The following EIPR1 variants were observed in gnomAD, a reference collection of about 807,000 sequenced individuals.
EIPR1 encodes the protein EARP complex and GARP complex interacting protein 1, also known as EARP and GARP complex-interacting protein 1.
Under a neutral mutation model 48.1 loss-of-function variants are expected in EIPR1, and 25 were observed. The ratio of observed to expected loss-of-function variants is 0.52; its 90% confidence interval spans 0.38 to 0.73. The LOEUF (loss-of-function observed/expected upper bound fraction) is 0.73, where lower values mean the gene tolerates loss of function less well. Among genes scored for constraint, EIPR1 ranks in the 30% least tolerant of loss-of-function variants. The pLI is 0.00. For missense variants in EIPR1, 415 were observed against 506.2 expected (o/e 0.82, Z 1.73); for synonymous variants, 204 against 201.9 (o/e 1.01, Z -0.09).
intron 3 of EIPR1, among the ~76,000 whole-genome samples, chr2:3,275,987 T>C (rs1667836390): frequency 5.3e-5 from 8 of 152,238 alleles, no homozygotes; most frequent in Admixed American, 5.2e-4. Context: ...CGACTGTATT[T>C]TTCTACTCTA....
intron 4 of EIPR1, among the ~76,000 whole-genome samples, chr2:3,248,068 C>T (rs752295820): frequency 4.7e-4 from 72 of 151,794 alleles, no homozygotes; most frequent in Admixed American, 2.6e-4. Flanking sequence ...GGCATGGGGG[C>T]GGATCCCTCA....
intron 2 of EIPR1, among the ~76,000 whole-genome samples, chr2:3,339,670 T>C (rs1168472246): frequency 5.3e-5 from 8 of 152,182 alleles, no homozygotes; most frequent in Non-Finnish European, 5.9e-5. Context: ...TGGCATGGGC[T>C]GGGCGCGGTG....
chr2:3,227,772 C>T (rs1047681072), intron 4 of EIPR1, among the ~76,000 whole-genome samples: 1 of 152,252 alleles, frequency 6.6e-6, no homozygotes, highest in Non-Finnish European at 1.5e-5. Flanking sequence ...CCCTGCATCC[C>T]AGCTGCTGCT....
intron 3 of EIPR1, 75 bp downstream of exon 3, chr2:3,337,942 G>C: frequency 6.7e-7 from 1 of 1,486,576 alleles, no homozygotes; most frequent in South Asian, 1.4e-5. Flanking sequence ...CGACCCATTA[G>C]CAATACAAAA....
At chr2:3,203,453 C>T (rs1010824217) in intron 5 of EIPR1, among the ~76,000 whole-genome samples, 2 of 152,200 alleles carry the variant, frequency 1.3e-5, no homozygotes, top group Non-Finnish European at 2.9e-5. Flanking sequence ...AACCACGTGC[C>T]GGTAGTCAGC....
intron 1 of EIPR1, among the ~76,000 whole-genome samples, chr2:3,370,762 T>C (rs1294072475): frequency 3.3e-5 from 5 of 152,204 alleles, no homozygotes; most frequent in Admixed American, 6.5e-5. Context: ...CTGCACCTGA[T>C]TGGTGTACCT....
intron 4 of EIPR1, among the ~76,000 whole-genome samples, chr2:3,244,533 G>A (rs546538916): frequency 3.5e-4 from 54 of 152,276 alleles, no homozygotes; most frequent in Non-Finnish European, 1.5e-4. Context: ...CAGAGCCTCC[G>A]GAAGGTAATC....
Position 3,252,315 on chromosome 2 carries a change from G to A in EIPR1, c.416+4984C>T, listed in dbSNP as rs532635333. Among the ~76,000 whole-genome samples, 40 of 152,280 alleles carry A rather than the reference G, an allele frequency of 2.6e-4. 1 individual carries two copies. In the South Asian group the frequency reaches 7.5e-3, roughly 28 times the overall value. On this transcript the variant is annotated intron_variant, in intron 4 of 8. Coordinates refer to ENST00000382125, the MANE Select transcript of EIPR1 (RefSeq NM_003310.5). ...AAGATAAAACGGCAAAACGGGCCACGTGCAACAGCTCACACCTGTAATCTC... is the reference window on the plus strand; with the variant it reads ...AAGATAAAACGGCAAAACGGGCCACATGCAACAGCTCACACCTGTAATCTC...
At chr2:3,207,205 C>G (rs2103123998) in intron 5 of EIPR1, among the ~76,000 whole-genome samples, 1 of 152,332 alleles carries the variant, frequency 6.6e-6, no homozygotes, top group African/African-American at 2.4e-5. Flanking sequence ...TAAGAGCTTG[C>G]TGTGAGGAAC....
chr2:3,235,968 A>C (rs1183389306), intron 4 of EIPR1, among the ~76,000 whole-genome samples: 1 of 152,122 alleles, frequency 6.6e-6, no homozygotes, highest in Non-Finnish European at 1.5e-5. Flanking sequence ...AGGTGGAGAA[A>C]AGTGGGTTTT....
chr2:3,352,241 C>T (rs995226051), intron 2 of EIPR1, among the ~76,000 whole-genome samples: 29 of 144,234 alleles, frequency 2.0e-4, no homozygotes, highest in Non-Finnish European at 6.0e-5. Context: ...ACTGTCTGTT[C>T]CCGACACCTT....
At chr2:3,256,219 G>C (rs1477509726) in intron 4 of EIPR1, among the ~76,000 whole-genome samples, 1 of 152,196 alleles carries the variant, frequency 6.6e-6, no homozygotes, top group Non-Finnish European at 1.5e-5. Context: ...CATACCTGAC[G>C]AGGGAAACCT....
intron 3 of EIPR1, among the ~76,000 whole-genome samples, chr2:3,333,540 C>G (rs1425181361): frequency 6.6e-6 from 1 of 152,030 alleles, no homozygotes; most frequent in East Asian, 1.9e-4. Flanking sequence ...GAGTTCAAGA[C>G]CAGCCTGGCA....
At chr2:3,332,926 A>T (rs1275160811) in intron 3 of EIPR1, among the ~76,000 whole-genome samples, 1 of 152,250 alleles carries the variant, frequency 6.6e-6, no homozygotes, top group South Asian at 2.1e-4. Context: ...GATTTAAGCT[A>T]GGAGAGATGG....
chr2:3,269,216 C>T (rs1239862553), intron 3 of EIPR1, among the ~76,000 whole-genome samples: 2 of 151,876 alleles, frequency 1.3e-5, no homozygotes, highest in Non-Finnish European at 1.5e-5. Context: ...ACTCAATCAT[C>T]GCACTCAATC....
intron 3 of EIPR1, among the ~76,000 whole-genome samples, chr2:3,318,178 A>ACATGTGGG (rs1406578299): frequency 5.3e-5 from 8 of 152,260 alleles, no homozygotes; most frequent in Non-Finnish European, 1.2e-4. Flanking sequence ...AGCAGGCCGC[A>ACATGTGGG]GAAGAGCGCA....
intron 3 of EIPR1, among the ~76,000 whole-genome samples, chr2:3,327,337 C>T (rs927488924): frequency 2.0e-5 from 3 of 152,116 alleles, no homozygotes; most frequent in South Asian, 2.1e-4. Flanking sequence ...GCACGCACCA[C>T]CACACCCGGC....
At chr2:3,356,009 C>T (rs1045600305) in intron 1 of EIPR1, among the ~76,000 whole-genome samples, 2 of 152,176 alleles carry the variant, frequency 1.3e-5, no homozygotes, top group Non-Finnish European at 1.5e-5. Flanking sequence ...CTAGCGAGTG[C>T]TCTTGGGAAC....
intron 2 of EIPR1, among the ~76,000 whole-genome samples, 188 bp from the exon 3 acceptor site, chr2:3,338,337 G>C (rs577019196): frequency 1.5e-3 from 228 of 152,322 alleles, no homozygotes; most frequent in Non-Finnish European, 2.6e-3. Flanking sequence ...CCAAAGACAA[G>C]TTAGAAAATC....
Sources: allele counts gnomAD v4.1 joint callset (sites outside exome capture counted in the v4.1 genomes callset), GRCh38; gene constraint gnomAD v4.1.1; transcripts MANE v1.5; gene names NCBI Gene and HGNC (gene_info 2026-07-23, HGNC 2026-07-21).